RAD54B: variants seen among roughly 807,000 people sequenced by gnomAD.
RAD54B encodes the protein DNA repair and recombination protein RAD54B.
A neutral mutation model predicts 95.8 loss-of-function variants in RAD54B; 78 were observed. That is an observed-to-expected ratio of 0.81 (90% CI 0.68 to 0.98). The LOEUF (loss-of-function observed/expected upper bound fraction) is 0.98, where lower values mean the gene tolerates loss of function less well. Among genes scored for constraint, RAD54B ranks in the 50% least tolerant of loss-of-function variants. RAD54B has a pLI of 0.00. For synonymous variants in RAD54B, 328 were observed against 354.9 expected (o/e 0.92, Z 0.85); for missense variants, 957 against 1,056.6 (o/e 0.91, Z 1.31).
chr8:94,432,499 G>A (rs1340036010), intron 3 of RAD54B: 1 of 1,550,492 alleles, frequency 6.4e-7, no homozygotes, highest in Non-Finnish European at 8.7e-7. Flanking sequence ...TCTTCTCTTT[G>A]CTCTAAAGTA....
At chr8:94,448,197 T>A (rs1225344269) in intron 3 of RAD54B, among the ~76,000 whole-genome samples, 1 of 152,168 alleles carries the variant, frequency 6.6e-6, no homozygotes, top group African/African-American at 2.4e-5. Context: ...TTATTTCAAC[T>A]ATTCTATAGT....
intron 1 of RAD54B, 32 bp from the exon 2 acceptor site, chr8:94,467,587 C>A (rs748627466): frequency 1.9e-6 from 3 of 1,568,022 alleles, no homozygotes; most frequent in Admixed American, 3.7e-5. Context: ...TAACTATCCA[C>A]GAATCTAATT....
intron 3 of RAD54B, among the ~76,000 whole-genome samples, chr8:94,437,264 C>G (rs1412703376): frequency 1.3e-5 from 2 of 152,200 alleles, no homozygotes; most frequent in Non-Finnish European, 2.9e-5. Context: ...AACTGCATTG[C>G]AGTATCACTT....
intron 8 of RAD54B, among the ~76,000 whole-genome samples, chr8:94,399,022 G>C (rs1811207681): frequency 6.6e-6 from 1 of 152,140 alleles, no homozygotes; most frequent in African/African-American, 2.4e-5. Context: ...TAACTCCTCT[G>C]ACCCTCATGA....
intron 3 of RAD54B, among the ~76,000 whole-genome samples, chr8:94,445,168 G>A (rs1277818735): frequency 6.6e-6 from 1 of 152,068 alleles, no homozygotes; most frequent in Non-Finnish European, 1.5e-5. Context: ...CTTAGATGAC[G>A]CCATCTCAGT....
chr8:94,377,306 C>T (rs1586115804), intron 14 of RAD54B, among the ~76,000 whole-genome samples: 2 of 151,768 alleles, frequency 1.3e-5, no homozygotes, highest in African/African-American at 2.4e-5. Flanking sequence ...GAGGCTGAGG[C>T]GGGCAGATCG....
At chr8:94,438,537 T>TA (rs1812325136) in intron 3 of RAD54B, among the ~76,000 whole-genome samples, 1 of 152,168 alleles carries the variant, frequency 6.6e-6, no homozygotes, top group South Asian at 2.1e-4. Flanking sequence ...TTTGGAACAT[T>TA]AAAAGAGAAC....
At chr8:94,405,049 A>C (rs1811353185) in intron 5 of RAD54B, among the ~76,000 whole-genome samples, 1 of 152,060 alleles carries the variant, frequency 6.6e-6, no homozygotes, top group Non-Finnish European at 1.5e-5. Context: ...CCTGACCTCA[A>C]GTGATCTGCC....
chr8:94,416,297 A>T (rs1433527811), intron 3 of RAD54B, among the ~76,000 whole-genome samples: 1 of 151,936 alleles, frequency 6.6e-6, no homozygotes, highest in Non-Finnish European at 1.5e-5. Flanking sequence ...GTTCTCACTC[A>T]TAGATGGGAA....
intron 1 of RAD54B, among the ~76,000 whole-genome samples, chr8:94,468,890 G>C (rs1687815208): frequency 6.6e-6 from 1 of 151,994 alleles, no homozygotes; most frequent in South Asian, 2.1e-4. Flanking sequence ...TCAGGAGGCT[G>C]AGGTGAGGGG....
intron 5 of RAD54B, among the ~76,000 whole-genome samples, chr8:94,405,908 T>G (rs1811376948): frequency 6.6e-6 from 1 of 152,066 alleles, no homozygotes; most frequent in South Asian, 2.1e-4. Flanking sequence ...ATTAACAACA[T>G]GTCTGAGGCA....
At chr8:94,389,774 G>C (rs1250924623) in intron 10 of RAD54B, among the ~76,000 whole-genome samples, 2 of 152,180 alleles carry the variant, frequency 1.3e-5, no homozygotes, top group Non-Finnish European at 2.9e-5. Context: ...TATGAAGTTA[G>C]AGAAAAGGCT....
chr8:94,390,473 C>T (rs1386080439), intron 10 of RAD54B, among the ~76,000 whole-genome samples: 4 of 150,744 alleles, frequency 2.7e-5, no homozygotes, highest in Non-Finnish European at 5.9e-5. Flanking sequence ...GCACTCCAGC[C>T]TGGGGGACAA....
chr8:94,451,588 A>G (rs928072791), intron 3 of RAD54B, among the ~76,000 whole-genome samples: 2 of 152,194 alleles, frequency 1.3e-5, no homozygotes, highest in Non-Finnish European at 2.9e-5. Context: ...AATCAAACTT[A>G]TTATCACCAG....
At chr8:94,410,442 AC>A (rs1458164889) in intron 4 of RAD54B, among the ~76,000 whole-genome samples, 5 of 152,204 alleles carry the variant, frequency 3.3e-5, no homozygotes, top group Non-Finnish European at 7.3e-5. Context: ...ACTGCCTGGC[AC>A]ATAATAGTTA....
At chr8:94,416,715 G>A (rs751716401) in intron 3 of RAD54B, among the ~76,000 whole-genome samples, 1 of 152,024 alleles carries the variant, frequency 6.6e-6, no homozygotes, top group Non-Finnish European at 1.5e-5. Flanking sequence ...GGCTGGAATC[G>A]CAAAGTCAGA....
intron 11 of RAD54B, among the ~76,000 whole-genome samples, chr8:94,385,007 G>A (rs1810835808): frequency 6.6e-6 from 1 of 152,168 alleles, no homozygotes; most frequent in South Asian, 2.1e-4. Flanking sequence ...GGAAGCTGAA[G>A]TGGGAGGATC....
chr8:94,453,209 C>A (rs908312037), intron 3 of RAD54B, among the ~76,000 whole-genome samples: 1 of 152,128 alleles, frequency 6.6e-6, no homozygotes, highest in African/African-American at 2.4e-5. Flanking sequence ...TTTGGCACAT[C>A]CACACAGTGG....
In RAD54B at chr8:94,442,885, T is replaced by C. The variant is rs528967498; in HGVS notation, c.304+15383A>G. 8.5e-5 allele frequency among the ~76,000 whole-genome samples: 13 copies of C among 152,294 alleles called. No homozygotes were observed. In the East Asian group the frequency reaches 9.6e-4, roughly 11 times the overall value. The stretch of plus-strand genomic sequence containing the variant: ...GCTATAATTTCACAACCCTGTGTCA[T>C]AGCATTACACGTTAAGTCAGCATTG... On this transcript the variant is annotated intron_variant, in intron 3 of 14. Coordinates refer to ENST00000336148, the MANE Select transcript of RAD54B (RefSeq NM_012415.3).
Sources: allele counts gnomAD v4.1 joint callset (sites outside exome capture counted in the v4.1 genomes callset), GRCh38; gene constraint gnomAD v4.1.1; transcripts MANE v1.5; gene names NCBI Gene and HGNC (gene_info 2026-07-23, HGNC 2026-07-21).